Variants in FRMD4B observed in about 807,000 individuals in gnomAD.
The protein encoded by FRMD4B is FERM domain containing 4B, also known as FERM domain-containing protein 4B.
Under a neutral mutation model 141.5 loss-of-function variants are expected in FRMD4B, and 74 were observed. That is an observed-to-expected ratio of 0.52 (90% CI 0.43 to 0.63). The LOEUF is 0.63. Ranked by LOEUF, FRMD4B falls within the 30% of genes least tolerant of loss-of-function variation. The pLI, the probability that FRMD4B is intolerant of heterozygous loss-of-function variation, is 0.00. For synonymous variants in FRMD4B, 506 were observed against 467.9 expected, an observed-to-expected ratio of 1.08 and a Z score of -1.05; for missense variants, 1,366 against 1,253.4, an observed-to-expected ratio of 1.09 and a Z score of -1.36.
chr3:69,169,992 T>G lies in FRMD4B; in HGVS notation c.*1869A>C, dbSNP rs2092567924. 1 of 152,212 alleles carries G rather than the reference T, an allele frequency of 6.6e-6. No individual in the cohort carries two copies. The highest frequency in any genetic ancestry group is 6.5e-5 in the Admixed American group (1 of 15,278). 9.4% of individuals were successfully genotyped at this position (152,212 alleles called of 1,614,324 possible). On this transcript the variant is annotated 3_prime_UTR_variant, in exon 23 of 23. Transcript: ENST00000398540. ...CCTCAGTGAGACAAACTACCGCATT[T>G]CATCAATTCTAAGGCAACTTTATTG... is the stretch of plus-strand genomic sequence containing the variant.
At chr3:69,485,099 C>A (rs1326375631) in intron 1 of FRMD4B, among the ~76,000 whole-genome samples, 4 of 152,150 alleles carry the variant, frequency 2.6e-5, no homozygotes, top group Non-Finnish European at 5.9e-5. Context: ...CCCCCCTCAA[C>A]TTCCCCTCCC....
intron 11 of FRMD4B, among the ~76,000 whole-genome samples, chr3:69,214,622 G>C (rs1459178490): frequency 1.3e-5 from 2 of 152,178 alleles, no homozygotes; most frequent in Non-Finnish European, 2.9e-5. Flanking sequence ...ACTTTGGGAG[G>C]CTAAGGTGGG....
At chr3:69,232,192 T>C (rs1316787980) in intron 7 of FRMD4B, among the ~76,000 whole-genome samples, 4 of 152,290 alleles carry the variant, frequency 2.6e-5, no homozygotes, top group African/African-American at 9.6e-5. Context: ...GCAACGGATA[T>C]GTTATTTTAA....
intron 1 of FRMD4B, among the ~76,000 whole-genome samples, chr3:69,484,034 T>C (rs1483716153): frequency 2.6e-5 from 4 of 152,202 alleles, no homozygotes; most frequent in African/African-American, 9.7e-5. Context: ...TCCTGAGTCT[T>C]TGGTCTTGCT....
chr3:69,527,219 A>G (rs1666446660), intron 1 of FRMD4B, among the ~76,000 whole-genome samples: 1 of 152,182 alleles, frequency 6.6e-6, no homozygotes, highest in Non-Finnish European at 1.5e-5. Flanking sequence ...AAAATGCAGG[A>G]AAAAAAGGAT....
chr3:69,479,215 T>A (rs1706067990), intron 1 of FRMD4B, among the ~76,000 whole-genome samples: 1 of 150,996 alleles, frequency 6.6e-6, no homozygotes, highest in African/African-American at 2.5e-5. Context: ...CATTTAAGGT[T>A]AATATTGTTA....
chr3:69,425,950 C>T (rs974141056), intron 2 of FRMD4B, among the ~76,000 whole-genome samples: 3 of 152,136 alleles, frequency 2.0e-5, no homozygotes, highest in African/African-American at 7.2e-5. Context: ...AAGAAATGAA[C>T]CGTCAGGTGA....
At chr3:69,371,972 C>T (rs187585984) in intron 1 of FRMD4B, among the ~76,000 whole-genome samples, 55 of 152,326 alleles carry the variant, frequency 3.6e-4, no homozygotes, top group African/African-American at 1.3e-3. Flanking sequence ...CTCTAGAACA[C>T]CAGGGCACCG....
At chr3:69,470,155 G>A (rs1272776404) in intron 1 of FRMD4B, among the ~76,000 whole-genome samples, 1 of 152,194 alleles carries the variant, frequency 6.6e-6, no homozygotes, top group Non-Finnish European at 1.5e-5. Context: ...AGATTTCTCA[G>A]TGCAGCCAAA....
rs530795796 is a variant in FRMD4B at position 69,532,058 on chromosome 3, G to A, written c.-129+10148C>T. On this transcript the variant is annotated intron_variant, in intron 1 of 5. Transcript: ENST00000459638. ...ATATGTCCTCAATTTAAGTCTTACA[G>A]CCCAACTGGGATGGCGTTCTGTGTT... Among the ~76,000 whole-genome samples, 7 of 152,266 alleles carry A rather than the reference G, an allele frequency of 4.6e-5. No homozygotes were observed. The South Asian group carries it at 1.5e-3, about 32-fold the overall frequency.
intron 1 of FRMD4B, among the ~76,000 whole-genome samples, chr3:69,506,932 T>C (rs1706606053): frequency 6.6e-6 from 1 of 152,208 alleles, no homozygotes; most frequent in South Asian, 2.1e-4. Flanking sequence ...TGCTGTACTT[T>C]CCAAGGTGTT....
intron 1 of FRMD4B, among the ~76,000 whole-genome samples, chr3:69,506,719 G>T (rs975418516): frequency 4.6e-5 from 7 of 151,662 alleles, no homozygotes; most frequent in African/African-American, 1.7e-4. Flanking sequence ...TTTTTGGGGG[G>T]GGTGGGTAGA....
chr3:69,262,311 A>G (rs956105414), intron 5 of FRMD4B, among the ~76,000 whole-genome samples: 8 of 152,112 alleles, frequency 5.3e-5, no homozygotes, highest in African/African-American at 1.9e-4. Flanking sequence ...CTACTAAAGC[A>G]TAACATACAT....
intron 1 of FRMD4B, among the ~76,000 whole-genome samples, chr3:69,506,117 G>C (rs1374694251): frequency 6.6e-6 from 1 of 152,082 alleles, no homozygotes; most frequent in East Asian, 1.9e-4. Context: ...AAGCAACAAA[G>C]GTGGTTAAAA....
intron 1 of FRMD4B, among the ~76,000 whole-genome samples, chr3:69,462,303 A>G (rs1705720277): frequency 6.6e-6 from 1 of 152,214 alleles, no homozygotes; most frequent in African/African-American, 2.4e-5. Flanking sequence ...TTTATCCTGC[A>G]GTTTTACTCC....
chr3:69,453,861 T>G (rs1304913642), intron 1 of FRMD4B, among the ~76,000 whole-genome samples: 2 of 152,102 alleles, frequency 1.3e-5, no homozygotes, highest in Non-Finnish European at 2.9e-5. Flanking sequence ...GGATAAAGGA[T>G]GAGTGAGAAA....
At chr3:69,307,040 C>T (rs568053090) in intron 3 of FRMD4B, among the ~76,000 whole-genome samples, 16 of 152,240 alleles carry the variant, frequency 1.1e-4, no homozygotes, top group African/African-American at 3.4e-4. Context: ...TCCACCCCCT[C>T]AACAGCCCCG....
chr3:69,435,257 A>G (rs1705242708), intron 1 of FRMD4B, among the ~76,000 whole-genome samples: 1 of 152,198 alleles, frequency 6.6e-6, no homozygotes. Context: ...CCTGAAAAGT[A>G]ACAACCTATC....
chr3:69,210,022 T>G (rs1258477927), intron 11 of FRMD4B, among the ~76,000 whole-genome samples: 1 of 152,262 alleles, frequency 6.6e-6, no homozygotes, highest in Non-Finnish European at 1.5e-5. Flanking sequence ...GGAAGACTTT[T>G]GTGCTTGTTA....
Sources: gnomAD v4.1 joint callset for allele counts (sites outside exome capture counted in the v4.1 genomes callset) on GRCh38, gnomAD v4.1.1 for gene constraint, MANE v1.5 for transcripts, NCBI Gene and HGNC (gene_info 2026-07-23, HGNC 2026-07-21) for gene names.